GPR173: variants seen among roughly 807,000 people sequenced by gnomAD.
GPR173 encodes G protein-coupled receptor 173.
In GPR173, 2 loss-of-function variants were observed where a neutral mutation model predicts 13.9. That is an observed-to-expected ratio of 0.14 (90% confidence interval 0.06 to 0.45). GPR173 has a LOEUF of 0.45. GPR173 is among the 20% of genes least tolerant of loss of function. GPR173 has a pLI of 0.98. For missense variants in GPR173, 202 were observed against 340.5 expected, an observed-to-expected ratio of 0.59 and a Z score of 3.20; for synonymous variants, 131 against 141.0, an observed-to-expected ratio of 0.93 and a Z score of 0.50.
chrX:53,061,997 A>G (rs1330326254), intron 1 of GPR173, among the ~76,000 whole-genome samples: 36 of 100,272 alleles, frequency 3.6e-4, no homozygotes, highest in African/African-American at 6.8e-4. Flanking sequence ...GAGAAAGAAG[A>G]GAAGAGAAGA....
At position 53,078,719 on chromosome X, in the gene GPR173, G is replaced by C. The variant is rs2146688279; in HGVS notation, c.*976G>C. 1 of 123,005 alleles carries C rather than the reference G, an allele frequency of 8.1e-6. No individual in the cohort carries two copies. Among genetic ancestry groups the C allele is most frequent in the East Asian group, 2.8e-4 (1 of 3,550 alleles). 10.1% of individuals were successfully genotyped at this position (123,005 alleles called of 1,213,427 possible). Reference sequence around the variant, plus strand: ...CTCCCCAGAGTAGCTGGACCACAGAGACTTGGGTCAGAGCTGATTTCAACC... The same window carrying C: ...CTCCCCAGAGTAGCTGGACCACAGACACTTGGGTCAGAGCTGATTTCAACC... On this transcript the variant is annotated 3_prime_UTR_variant, in exon 2 of 2. Transcript: ENST00000332582.
intron 1 of GPR173, among the ~76,000 whole-genome samples, chrX:53,056,045 G>C (rs921639474): frequency 9.1e-6 from 1 of 109,420 alleles, no homozygotes; most frequent in Non-Finnish European, 1.9e-5. Flanking sequence ...CATTGTGGGT[G>C]TGTCTTAATA....
At chrX:53,055,401 T>TGA (rs1199700679) in intron 1 of GPR173, among the ~76,000 whole-genome samples, 1 of 109,248 alleles carries the variant, frequency 9.2e-6, no homozygotes, top group African/African-American at 3.4e-5. Context: ...GGTAGGTGAG[T>TGA]GAGAGCACGG....
At chrX:53,062,879 T>A (rs782298652) in intron 1 of GPR173, among the ~76,000 whole-genome samples, 1 of 111,930 alleles carries the variant, frequency 8.9e-6, no homozygotes, top group East Asian at 2.8e-4. Flanking sequence ...GCGTCCTGCA[T>A]CTTGGGCACA....
In GPR173 at chrX:53,056,469, G is replaced by A. The variant is rs782160033; in HGVS notation, c.-98+6985G>A. Among the ~76,000 whole-genome samples the A allele has an allele frequency of 1.6e-4, 18 of 109,845 alleles. No individual in the cohort carries two copies. The South Asian group carries it at 3.6e-3, about 22-fold the overall frequency. The stretch of plus-strand genomic sequence containing the variant: ...AATCAGGATGTGTATATCTAAATAG[G>A]ATGTGTCATCTCTGGGTGGTGTGAG... On this transcript the variant is annotated intron_variant, in intron 1 of 1. Coordinates refer to ENST00000332582, the MANE Select transcript of GPR173 (RefSeq NM_018969.6).
intron 1 of GPR173, among the ~76,000 whole-genome samples, chrX:53,053,193 T>C (rs1387126964): frequency 1.8e-5 from 2 of 112,907 alleles, no homozygotes; most frequent in African/African-American, 6.4e-5. Flanking sequence ...CCCAGTTGTG[T>C]GTACAAGTCT....
In GPR173 at chrX:53,076,681, A is replaced by C; in HGVS notation, c.60A>C (p.Ala20=). 1 of 1,208,390 alleles carries C rather than the reference A, an allele frequency of 8.3e-7. No individual in the cohort carries two copies. The highest frequency in any genetic ancestry group is 3.0e-5 in the East Asian group (1 of 33,795). ...GCGGCGCTCTGTCCCCACCGTCCGC[A>C]TCAGCTTATGTGAAGCTGGTACTGC... The part of the protein sequence containing the change: ...EVSGALSPPS[A]SAYVKLVLLG... The change falls in exon 2 of 2, where the codon GCA becomes GCC. Residue 20 remains alanine (A), a synonymous_variant. Coordinates refer to ENST00000332582, the MANE Select transcript of GPR173 (RefSeq NM_018969.6).
At chrX:53,067,547 G>T (rs782633468) in intron 1 of GPR173, among the ~76,000 whole-genome samples, 16 of 112,089 alleles carry the variant, frequency 1.4e-4, no homozygotes, top group African/African-American at 2.3e-4. Context: ...ACACTCTGGC[G>T]GGGCGCGGTG....
intron 1 of GPR173, among the ~76,000 whole-genome samples, chrX:53,066,607 G>A (rs1315507256): frequency 9.1e-6 from 1 of 109,560 alleles, no homozygotes; most frequent in Middle Eastern, 4.7e-3. Flanking sequence ...GGCGGAGGTT[G>A]CAGTGAGCTG....
chrX:53,079,062 G>A lies in GPR173; in HGVS notation c.*1319G>A, dbSNP rs1932489566. 8.1e-6 allele frequency: 1 copy of A among 122,877 alleles called. No individual in the cohort carries two copies. The highest frequency in any genetic ancestry group is 3.3e-5 in the African/African-American group (1 of 30,672). 10.1% of individuals were successfully genotyped at this position (122,877 alleles called of 1,213,427 possible). On this transcript the variant is annotated 3_prime_UTR_variant, in exon 2 of 2. Coordinates refer to ENST00000332582, the MANE Select transcript of GPR173 (RefSeq NM_018969.6). ...GGGAGATCCAAGCCTCCTCCCAGGG[G>A]TGGAGTCCACTCTGGGCTTACTTTG... is the stretch of plus-strand genomic sequence containing the variant.
At chrX:53,051,056 G>T (rs1931950098) in intron 1 of GPR173, among the ~76,000 whole-genome samples, 1 of 112,380 alleles carries the variant, frequency 8.9e-6, no homozygotes, top group Non-Finnish European at 1.9e-5. Context: ...TGTGGTCAGT[G>T]GTTGGCAGGG....
chrX:53,048,905 T>G lies in GPR173; in HGVS notation c.-677T>G, dbSNP rs950256419. On this transcript the variant is annotated 5_prime_UTR_variant, in exon 1 of 2. The change abolishes an upstream ATG in the 5' untranslated region. Coordinates refer to ENST00000332582, the MANE Select transcript of GPR173 (RefSeq NM_018969.6). ...GCCCGGGGAGCGGGGTGAGCCTGGA[T>G]GAGAGCCCCCCCAACCTGGGGCTCT... Among the ~76,000 whole-genome samples, 2 of 110,787 alleles carry G rather than the reference T, an allele frequency of 1.8e-5. No individual in the cohort carries two copies. The highest frequency in any genetic ancestry group is 6.6e-5 in the African/African-American group (2 of 30,534).
intron 1 of GPR173, among the ~76,000 whole-genome samples, chrX:53,053,428 CTG>C (rs1301509390): frequency 8.9e-6 from 1 of 112,835 alleles, no homozygotes; most frequent in Non-Finnish European, 1.9e-5. Flanking sequence ...GTATGTACCC[CTG>C]TGTTTGTGAG....
rs1040523188 is a variant in GPR173, at chrX:53,076,559, C to T, written c.-63C>T. 19 of 956,839 alleles carry T rather than the reference C, an allele frequency of 2.0e-5. No homozygotes were observed. Among genetic ancestry groups the T allele is most frequent in the Non-Finnish European group, 2.7e-5 (19 of 696,879 alleles). The allele number at this position is 956,839 out of a possible 1,213,427, so 78.9% of individuals were successfully genotyped here. Reference sequence around the variant, plus strand: ...AGCAGGACAACTCATGGAGCCCCCCCGGGCCCATCGAGTACCGGACTGGCT... The same window carrying T: ...AGCAGGACAACTCATGGAGCCCCCCTGGGCCCATCGAGTACCGGACTGGCT... On this transcript the variant is annotated 5_prime_UTR_variant, in exon 2 of 2. Transcript: ENST00000332582.
intron 1 of GPR173, among the ~76,000 whole-genome samples, chrX:53,066,551 C>T (rs1348823777): frequency 9.1e-6 from 1 of 109,635 alleles, no homozygotes; most frequent in Non-Finnish European, 1.9e-5. Context: ...GCCTGTAGTC[C>T]CAGCTACTTG....
intron 1 of GPR173, among the ~76,000 whole-genome samples, chrX:53,076,146 G>A (rs1200586004): frequency 9.0e-6 from 1 of 110,985 alleles, no homozygotes; most frequent in Non-Finnish European, 1.9e-5. Flanking sequence ...TGGCCCAGGG[G>A]CAGGGCCTGG....
chrX:53,073,850 A>G (rs868986754), intron 1 of GPR173, among the ~76,000 whole-genome samples: 1 of 52,903 alleles, frequency 1.9e-5, no homozygotes, highest in East Asian at 5.2e-4. Flanking sequence ...AATTTTATAT[A>G]TATAAATTTA....
chrX:53,074,243 T>C (rs1278336794), intron 1 of GPR173, among the ~76,000 whole-genome samples: 14 of 98,688 alleles, frequency 1.4e-4, no homozygotes, highest in Non-Finnish European at 2.5e-4. Flanking sequence ...GAAATATATA[T>C]AAATATACAT....
rs1304601113 is a variant in GPR173, at chrX:53,079,823, G to A, written c.*2080G>A. 1 of 122,501 alleles carries A rather than the reference G, an allele frequency of 8.2e-6. No homozygotes were observed. The highest frequency in any genetic ancestry group is 1.9e-5 in the Non-Finnish European group (1 of 53,058). The allele number at this position is 122,501 out of a possible 1,213,427, so 10.1% of individuals were successfully genotyped here. On this transcript the variant is annotated 3_prime_UTR_variant, in exon 2 of 2. Coordinates refer to ENST00000332582, the MANE Select transcript of GPR173 (RefSeq NM_018969.6). Reference sequence around the variant, plus strand: ...TGAGAGGAGACAAACTAGAGTATGTGCCCGTGGTAGGAAGTCGAGTGGTCA... The same window carrying A: ...TGAGAGGAGACAAACTAGAGTATGTACCCGTGGTAGGAAGTCGAGTGGTCA...
Sources: gnomAD v4.1 joint callset for allele counts (sites outside exome capture counted in the v4.1 genomes callset) on GRCh38, gnomAD v4.1.1 for gene constraint, MANE v1.5 for transcripts, NCBI Gene and HGNC (gene_info 2026-07-23, HGNC 2026-07-21) for gene names.